ASIC2: variants seen among roughly 807,000 people sequenced by gnomAD.
ASIC2 encodes acid sensing ion channel subunit 2.
ASIC2 carries 25 observed loss-of-function variants against 57.3 expected under a neutral mutation model. That is an observed-to-expected ratio of 0.44 (90% confidence interval 0.32 to 0.61). The LOEUF (loss-of-function observed/expected upper bound fraction) is 0.61, where lower values mean the gene tolerates loss of function less well. ASIC2 is among the 20% of genes least tolerant of loss of function. ASIC2 has a pLI of 0.06. For synonymous variants in ASIC2, 319 were observed against 307.5 expected, an observed-to-expected ratio of 1.04 and a Z score of -0.39; for missense variants, 641 against 738.1, an observed-to-expected ratio of 0.87 and a Z score of 1.52.
At chr17:33,723,536 C>A (rs1909449281) in intron 1 of ASIC2, among the ~76,000 whole-genome samples, 1 of 152,148 alleles carries the variant, frequency 6.6e-6, no homozygotes, top group South Asian at 2.1e-4. Context: ...ACCCTGTTGG[C>A]CAGGCTTGTC....
At position 33,013,560 on chromosome 17, in the gene ASIC2, T is replaced by G. The variant is rs1433196677; in HGVS notation, c.*405A>C. 4.9e-6 allele frequency: 1 copy of G among 202,322 alleles called. No homozygotes were observed. The highest frequency in any genetic ancestry group is 2.3e-5 in the African/African-American group (1 of 44,362). The allele number at this position is 202,322 out of a possible 1,614,324, so 12.5% of individuals were successfully genotyped here. ...TTCTGATTCCAGGGTGGCCTCATGG[T>G]GACTTTGGACCTGGAATCTGGTCCC... is the stretch of plus-strand genomic sequence containing the variant. On this transcript the variant is annotated 3_prime_UTR_variant, in exon 10 of 10. Transcript: ENST00000225823.
intron 1 of ASIC2, among the ~76,000 whole-genome samples, chr17:33,949,054 A>G (rs769083175): frequency 5.9e-5 from 9 of 152,098 alleles, no homozygotes; most frequent in Non-Finnish European, 1.3e-4. Flanking sequence ...TTTGAGTTTC[A>G]TATAATGTTC....
At chr17:33,467,069 G>T (rs537318956) in intron 1 of ASIC2, among the ~76,000 whole-genome samples, 37 of 152,240 alleles carry the variant, frequency 2.4e-4, no homozygotes, top group African/African-American at 8.7e-4. Flanking sequence ...CCTACAGAAT[G>T]GGAGAAAATT....
At chr17:34,151,120 AAAAAAT>A (rs1904508332) in intron 1 of ASIC2, among the ~76,000 whole-genome samples, 1 of 149,060 alleles carries the variant, frequency 6.7e-6, no homozygotes, top group African/African-American at 2.5e-5. Flanking sequence ...AAAAAAAAAA[AAAAAAT>A]AAAGAGGTAG....
Position 33,031,561 on chromosome 17 carries a change from T to C in ASIC2, c.988-3169A>G, listed in dbSNP as rs555118332. Among the ~76,000 whole-genome samples, 9 of 152,318 alleles carry C rather than the reference T, an allele frequency of 5.9e-5. No homozygotes were observed. In the South Asian group the frequency reaches 1.9e-3, roughly 32 times the overall value. The stretch of plus-strand genomic sequence containing the variant: ...GAATGTTCCACGTGCACCTGAAAAG[T>C]ATATGCATTCTGTAACTGTTGGCGT... On this transcript the variant is annotated intron_variant, in intron 3 of 9. Coordinates refer to ENST00000225823, the MANE Select transcript of ASIC2 (RefSeq NM_183377.2).
At chr17:34,088,371 C>T (rs937796278) in intron 1 of ASIC2, among the ~76,000 whole-genome samples, 92 of 151,944 alleles carry the variant, frequency 6.1e-4, no homozygotes, top group African/African-American at 2.1e-3. Context: ...TCGTGAACGG[C>T]GAATGCTGCT....
chr17:33,799,426 T>TCTTTCTTTCTTTCTTTCTTTC, intron 1 of ASIC2, among the ~76,000 whole-genome samples: 1 of 63,614 alleles, frequency 1.6e-5, no homozygotes, highest in African/African-American at 6.9e-5. Flanking sequence ...TTTCTTTCTT[T>TCTTTCTTTCTTTCTTTCTTTC]CTTCTTTCTT....
intron 1 of ASIC2, among the ~76,000 whole-genome samples, chr17:33,852,649 T>C (rs1913802950): frequency 6.6e-6 from 1 of 151,674 alleles, no homozygotes; most frequent in Non-Finnish European, 1.5e-5. Flanking sequence ...GAGGGCTGTC[T>C]GATTGCAAAG....
chr17:33,858,715 T>C (rs1393914543), intron 1 of ASIC2, among the ~76,000 whole-genome samples: 1 of 152,130 alleles, frequency 6.6e-6, no homozygotes, highest in Non-Finnish European at 1.5e-5. Context: ...CTGAGACCTT[T>C]GGGTGTCCTC....
intron 1 of ASIC2, among the ~76,000 whole-genome samples, chr17:33,507,392 C>A (rs531490288): frequency 2.5e-4 from 38 of 152,290 alleles, no homozygotes; most frequent in African/African-American, 9.1e-4. Flanking sequence ...TACATCTCAT[C>A]TCATTGGTTT....
chr17:33,432,778 C>T (rs555997166), intron 1 of ASIC2, among the ~76,000 whole-genome samples: 76 of 152,158 alleles, frequency 5.0e-4, no homozygotes, highest in African/African-American at 1.8e-3. Flanking sequence ...AAGATATACA[C>T]GTGACCAACA....
At chr17:33,666,768 G>A (rs34123663) in intron 1 of ASIC2, among the ~76,000 whole-genome samples, 6,229 of 152,254 alleles carry the variant, frequency 0.041, 169 homozygotes, top group Non-Finnish European at 0.058. Flanking sequence ...GGAATGGACA[G>A]TGCTCCCCAG....
intron 1 of ASIC2, among the ~76,000 whole-genome samples, chr17:33,853,546 TC>T (rs1913832434): frequency 6.6e-6 from 1 of 152,176 alleles, no homozygotes; most frequent in Non-Finnish European, 1.5e-5. Flanking sequence ...GTAAGGACGA[TC>T]TCTAAGTGTC....
At chr17:33,863,093 C>T (rs182712689) in intron 1 of ASIC2, among the ~76,000 whole-genome samples, 5 of 152,350 alleles carry the variant, frequency 3.3e-5, no homozygotes, top group Admixed American at 3.3e-4. Context: ...GGTCCTCTGA[C>T]CTCAAGGGAG....
At chr17:33,014,566 C>A (rs1422873214) in intron 9 of ASIC2, among the ~76,000 whole-genome samples, 3 of 151,936 alleles carry the variant, frequency 2.0e-5, no homozygotes, top group Admixed American at 2.0e-4. Context: ...TTAAGCTGGA[C>A]CCAGGGCAAT....
rs528519217 is a variant in ASIC2, at chr17:33,184,515, T to C, written c.709-72448A>G. ...CAAATGTACCAGACTCTGGGTCCTC[T>C]GTGTCCTTCATGATAAACTTTGCAA... On this transcript the variant is annotated intron_variant, in intron 1 of 9. Coordinates refer to ENST00000225823, the MANE Select transcript of ASIC2 (RefSeq NM_183377.2). Among the ~76,000 whole-genome samples the C allele has an allele frequency of 2.6e-5, 4 of 152,300 alleles. No individual in the cohort carries two copies. In the South Asian group the frequency reaches 8.3e-4, roughly 32 times the overall value.
intron 1 of ASIC2, among the ~76,000 whole-genome samples, chr17:33,632,674 C>G (rs1302019283): frequency 6.6e-6 from 1 of 152,126 alleles, no homozygotes; most frequent in Non-Finnish European, 1.5e-5. Flanking sequence ...GCCTCAAGTC[C>G]TCCTGCCTCA....
intron 1 of ASIC2, among the ~76,000 whole-genome samples, chr17:33,211,439 T>C (rs1907268557): frequency 6.6e-6 from 1 of 151,918 alleles, no homozygotes; most frequent in Non-Finnish European, 1.5e-5. Flanking sequence ...ACGCTAGGTA[T>C]TGGGGGACAT....
intron 1 of ASIC2, among the ~76,000 whole-genome samples, chr17:34,023,912 T>G (rs1357335071): frequency 1.3e-5 from 2 of 152,240 alleles, no homozygotes; most frequent in African/African-American, 4.8e-5. Context: ...GCAAATACAA[T>G]GTTTGTTATA....
Sources: gnomAD v4.1 joint callset for allele counts (sites outside exome capture counted in the v4.1 genomes callset) on GRCh38, gnomAD v4.1.1 for gene constraint, MANE v1.5 for transcripts, NCBI Gene and HGNC (gene_info 2026-07-23, HGNC 2026-07-21) for gene names.